The following TG variants were observed in gnomAD, a reference collection of about 807,000 sequenced individuals.
TG encodes thyroid hormones.
TG carries 270 observed loss-of-function variants against 324.7 expected under a neutral mutation model. The ratio of observed to expected loss-of-function variants is 0.83; its 90% CI spans 0.75 to 0.92. The LOEUF is 0.92. Among genes scored for constraint, TG ranks in the 40% least tolerant of loss-of-function variants. The pLI is 0.00. For missense variants in TG, 3,591 were observed against 3,456.4 expected, an observed-to-expected ratio of 1.04 and a Z score of -0.98; for synonymous variants, 1,401 against 1,327.0, an observed-to-expected ratio of 1.06 and a Z score of -1.21.
At chr8:133,011,831 T>C in intron 35 of TG, 70 bp from the exon 36 acceptor site, 1 of 1,608,854 alleles carries the variant, frequency 6.2e-7, no homozygotes, top group Non-Finnish European at 8.5e-7. Flanking sequence ...GGATATTGGG[T>C]AATACACGGC....
intron 35 of TG, among the ~76,000 whole-genome samples, chr8:133,001,472 A>G (rs1283392714): frequency 6.6e-6 from 1 of 152,274 alleles, no homozygotes; most frequent in East Asian, 1.9e-4. Flanking sequence ...CTCTCCTCCC[A>G]TTTTCATTCT....
At chr8:133,125,442 G>T (rs543460172) in intron 45 of TG, among the ~76,000 whole-genome samples, 3 of 152,220 alleles carry the variant, frequency 2.0e-5, no homozygotes, top group African/African-American at 7.2e-5. Context: ...ATCATCAAAG[G>T]CCAAGGCCCT....
intron 41 of TG, among the ~76,000 whole-genome samples, chr8:133,074,587 G>C (rs111727053): frequency 5.9e-5 from 9 of 152,318 alleles, no homozygotes; most frequent in African/African-American, 2.2e-4. Context: ...CTAAGTACAA[G>C]CCTTTTTGGC....
intron 35 of TG, among the ~76,000 whole-genome samples, chr8:133,004,800 C>T (rs1274970070): frequency 2.0e-5 from 3 of 152,124 alleles, no homozygotes; most frequent in East Asian, 1.9e-4. Flanking sequence ...GATGTTAGAA[C>T]GGTTTTGGTT....
In TG at chr8:132,893,850, G is replaced by C. The variant is rs748636258; in HGVS notation, c.2922G>C (p.Pro974=). 6.2e-7 allele frequency: 1 copy of C among 1,614,018 alleles called. No homozygotes were observed. The part of the protein sequence containing the change: ...RLRNEDLGLP[P]LFPPREAFAE... The stretch of plus-strand genomic sequence containing the variant: ...GGAATGAGGACCTCGGCCTTCCTCC[G>C]CTCTTCCCGCCCCGGGAGGCTTTCG... Residue 974 remains proline (P), a synonymous_variant, in exon 11 of 48, where the codon CCG becomes CCC. Coordinates refer to ENST00000220616, the MANE Select transcript of TG (RefSeq NM_003235.5).
intron 41 of TG, among the ~76,000 whole-genome samples, chr8:133,082,886 G>A (rs1845970557): frequency 6.6e-6 from 1 of 152,136 alleles, no homozygotes; most frequent in Non-Finnish European, 1.5e-5. Flanking sequence ...ATTTGCCAAA[G>A]CAAACTCGAA....
intron 41 of TG, among the ~76,000 whole-genome samples, chr8:133,051,374 G>T (rs1411952290): frequency 2.0e-5 from 3 of 152,164 alleles, no homozygotes; most frequent in African/African-American, 7.2e-5. Context: ...AATGCCTCGG[G>T]TGTCCACTCT....
At chr8:132,998,852 C>T (rs1249648629) in intron 35 of TG, among the ~76,000 whole-genome samples, 1 of 152,132 alleles carries the variant, frequency 6.6e-6, no homozygotes, top group Non-Finnish European at 1.5e-5. Flanking sequence ...GGGATTGAAG[C>T]AGACAAGAAA....
chr8:133,029,465 A>C (rs1836416267), intron 40 of TG, among the ~76,000 whole-genome samples: 1 of 152,156 alleles, frequency 6.6e-6, no homozygotes, highest in Admixed American at 6.5e-5. Context: ...ACAGTGGTGG[A>C]CCTGAAGCTG....
At position 133,017,911 on chromosome 8, in the gene TG, A is replaced by T. The variant is rs965880553; in HGVS notation, c.6696A>T (p.Pro2232=). ...AAGTGGACCAGTTCCTTGGAGTTCC[A>T]TATGCTGCCCCGCCCCTGGCAGAGA... is the stretch of plus-strand genomic sequence containing the variant. The part of the protein sequence containing the change: ...WKQVDQFLGV[P]YAAPPLAERR... Residue 2232 remains proline, a synonymous_variant, in exon 38 of 48, where the codon CCA becomes CCT. Coordinates refer to ENST00000220616, the MANE Select transcript of TG (RefSeq NM_003235.5). The T allele has an allele frequency of 2.9e-5, 47 of 1,614,078 alleles. No individual in the cohort carries two copies. Among genetic ancestry groups the T allele is most frequent in the Admixed American group, 2.7e-4 (16 of 60,006 alleles).
At chr8:133,039,534 T>C (rs1348488096) in intron 41 of TG, among the ~76,000 whole-genome samples, 4 of 152,094 alleles carry the variant, frequency 2.6e-5, no homozygotes, top group South Asian at 2.1e-4. Context: ...AGGCTGACAA[T>C]GGAATAAACA....
chr8:133,101,765 A>G (rs769260351), intron 43 of TG, among the ~76,000 whole-genome samples: 2 of 152,252 alleles, frequency 1.3e-5, no homozygotes, highest in Non-Finnish European at 2.9e-5. Context: ...GATACATACT[A>G]TATGGAGAGA....
intron 43 of TG, chr8:133,102,769 T>C (rs1179335876): frequency 3.6e-6 from 2 of 560,356 alleles, no homozygotes; most frequent in Non-Finnish European, 6.5e-6. Flanking sequence ...CAAGATGCAA[T>C]GTTCTGCCTT....
chr8:133,074,676 T>C (rs1284163001), intron 41 of TG, among the ~76,000 whole-genome samples: 1 of 152,168 alleles, frequency 6.6e-6, no homozygotes, highest in African/African-American at 2.4e-5. Context: ...CAACACCCAC[T>C]GAGCCACTGC....
At chr8:133,026,797 C>G (rs1470798187) in intron 40 of TG, among the ~76,000 whole-genome samples, 2 of 152,216 alleles carry the variant, frequency 1.3e-5, no homozygotes, top group African/African-American at 2.4e-5. Flanking sequence ...CCAGTGGGTG[C>G]CCCCTCACAG....
At chr8:132,926,248 C>A (rs1392043304) in intron 22 of TG, among the ~76,000 whole-genome samples, 7 of 152,238 alleles carry the variant, frequency 4.6e-5, no homozygotes, top group Non-Finnish European at 7.3e-5. Flanking sequence ...GCCCTCTTGC[C>A]ACTTCCTTTG....
At chr8:132,909,423 A>G (rs1369537721) in intron 18 of TG, among the ~76,000 whole-genome samples, 1 of 152,162 alleles carries the variant, frequency 6.6e-6, no homozygotes, top group Non-Finnish European at 1.5e-5. Context: ...AAAGGAGTAA[A>G]ATGTTCTGGA....
intron 35 of TG, chr8:132,995,296 C>A: frequency 1.0e-6 from 1 of 984,672 alleles, no homozygotes; most frequent in South Asian, 4.7e-5. Context: ...TACTACCCAC[C>A]ACATACAGCA....
chr8:132,913,772 C>T (rs1819883549), intron 20 of TG, among the ~76,000 whole-genome samples: 1 of 152,106 alleles, frequency 6.6e-6, no homozygotes, highest in African/African-American at 2.4e-5. Context: ...GCATTAGTTT[C>T]CTGTTGCTAC....
Sources: gnomAD v4.1 joint callset for allele counts (sites outside exome capture counted in the v4.1 genomes callset) on GRCh38, gnomAD v4.1.1 for gene constraint, MANE v1.5 for transcripts, NCBI Gene and HGNC (gene_info 2026-07-23, HGNC 2026-07-21) for gene names.